PIK3R5: variants seen among roughly 807,000 people sequenced by gnomAD.
PIK3R5 encodes the protein phosphoinositide 3-kinase regulatory subunit 5.
In PIK3R5, 32 loss-of-function variants were observed where a neutral mutation model predicts 94.9. That is an observed-to-expected ratio of 0.34 (90% CI 0.25 to 0.45). The LOEUF is 0.45. Ranked by LOEUF, PIK3R5 falls within the 20% of genes least tolerant of loss-of-function variation. The pLI is 1.00. For synonymous variants in PIK3R5, 443 were observed against 479.4 expected (o/e 0.92, Z 0.99); for missense variants, 853 against 1,144.6 (o/e 0.75, Z 3.68).
chr17:8,922,601 G>T lies in PIK3R5; in HGVS notation c.-13-11094C>A, dbSNP rs372611955. On this transcript the variant is annotated intron_variant, in intron 1 of 18. Transcript: ENST00000447110. ...GGGCTGAGTGTACTGTTTCGTCTCA[G>T]TGTTGTAATTTGAGGCTTCCAGGGA... is the stretch of plus-strand genomic sequence containing the variant. 3.7e-4 allele frequency among the ~76,000 whole-genome samples: 57 copies of T among 152,266 alleles called. No individual in the cohort carries two copies. The East Asian group carries it at 9.1e-3, about 24-fold the overall frequency.
chr17:8,948,609 A>G (rs973331182), intron 1 of PIK3R5, among the ~76,000 whole-genome samples: 1 of 152,198 alleles, frequency 6.6e-6, no homozygotes, highest in Non-Finnish European at 1.5e-5. Flanking sequence ...TTCCCACCAC[A>G]AGGCAATACC....
chr17:8,913,105 G>A (rs1415364921), intron 1 of PIK3R5, among the ~76,000 whole-genome samples: 3 of 152,198 alleles, frequency 2.0e-5, no homozygotes, highest in Admixed American at 6.5e-5. Context: ...TCCAAGAAGT[G>A]AAACATGCTG....
chr17:8,894,939 T>C (rs2090117985), intron 5 of PIK3R5, among the ~76,000 whole-genome samples: 2 of 152,172 alleles, frequency 1.3e-5, no homozygotes. Context: ...GAGGTTCCTT[T>C]AGTAAAAGGC....
intron 4 of PIK3R5, 129 bp from the exon 5 acceptor site, chr17:8,905,044 AG>A: frequency 9.9e-7 from 1 of 1,013,540 alleles, no homozygotes; most frequent in Non-Finnish European, 1.5e-6. Context: ...AGCGTGTCCC[AG>A]GACAAGGTCA....
At chr17:8,905,853 A>G in intron 3 of PIK3R5, 116 bp from the exon 4 acceptor site, 1 of 491,082 alleles carries the variant, frequency 2.0e-6, no homozygotes, top group Non-Finnish European at 3.5e-6. Flanking sequence ...TTTTTAGGGG[A>G]AAATAGTGCA....
At chr17:8,886,429 C>G (rs769884656) in intron 13 of PIK3R5, 48 bp downstream of exon 13, 1 of 1,596,660 alleles carries the variant, frequency 6.3e-7, no homozygotes, top group South Asian at 1.1e-5. Flanking sequence ...TGGGGCCTTG[C>G]AGGCCCGGCA....
Position 8,925,992 on chromosome 17 carries a change from T to C in PIK3R5, c.-13-14485A>G, listed in dbSNP as rs1428548901. On this transcript the variant is annotated intron_variant, in intron 1 of 18. Transcript: ENST00000447110. This position sits in a 1 kb window ranked among gnomAD's most constrained non-coding sequence, Gnocchi z 5.1. ...CTGTGGTCACTGAGGCTGTGAACCA[T>C]GTGAAGCGAGAAGAGTGAGGAGAAC... Among the ~76,000 whole-genome samples the C allele has an allele frequency of 2.6e-5, 4 of 152,152 alleles. No homozygotes were observed. Among genetic ancestry groups the C allele is most frequent in the Non-Finnish European group, 5.9e-5 (4 of 68,026 alleles).
chr17:8,879,604 C>T lies in PIK3R5; in HGVS notation c.*1035G>A, dbSNP rs543305389. ...CTGAGCAGCCCACCCCTTACCCTGA[C>T]GAAGGCAATCCTCCTCTGGAATGTC... On this transcript the variant is annotated 3_prime_UTR_variant, in exon 19 of 19. Transcript: ENST00000447110. The surrounding 1 kb of genome is among the most constrained non-coding windows in gnomAD (Gnocchi z 4.4). 2.6e-5 allele frequency: 4 copies of T among 152,324 alleles called. No homozygotes were observed. The highest frequency in any genetic ancestry group is 6.5e-5 in the Admixed American group (1 of 15,306). 9.4% of individuals were successfully genotyped at this position (152,324 alleles called of 1,614,324 possible).
chr17:8,902,413 C>A (rs371245172), intron 5 of PIK3R5, among the ~76,000 whole-genome samples: 19 of 151,824 alleles, frequency 1.3e-4, no homozygotes, highest in African/African-American at 4.4e-4. Flanking sequence ...TGCCACCACG[C>A]CCAAATAATT....
At chr17:8,941,537 T>C (rs564065753) in intron 1 of PIK3R5, among the ~76,000 whole-genome samples, 1 of 152,368 alleles carries the variant, frequency 6.6e-6, no homozygotes, top group South Asian at 2.1e-4. Flanking sequence ...CCCCAATGTT[T>C]CCTGTTTTTC....
intron 1 of PIK3R5, among the ~76,000 whole-genome samples, chr17:8,964,748 GAC>G (rs1016818418): frequency 6.6e-6 from 1 of 152,156 alleles, no homozygotes; most frequent in Non-Finnish European, 1.5e-5. Flanking sequence ...TGGATGAGAA[GAC>G]ACAGAAGGAA....
intron 3 of PIK3R5, among the ~76,000 whole-genome samples, chr17:8,907,628 C>CAA (rs1231640150): frequency 6.9e-4 from 65 of 94,758 alleles, no homozygotes; most frequent in African/African-American, 2.0e-3. Context: ...CTTTTTTTAA[C>CAA]AAAAAAAAAA....
intron 1 of PIK3R5, among the ~76,000 whole-genome samples, chr17:8,923,064 T>A (rs2090787054): frequency 1.3e-5 from 2 of 152,112 alleles, no homozygotes; most frequent in Admixed American, 1.3e-4. Flanking sequence ...AGGAGAAAGA[T>A]GCTAACGTGT....
chr17:8,892,174 C>T lies in PIK3R5; in HGVS notation c.483-1262G>A, dbSNP rs2090043746. 6.6e-6 allele frequency among the ~76,000 whole-genome samples: 1 copy of T among 152,174 alleles called. No homozygotes were observed. The highest frequency in any genetic ancestry group is 2.4e-5 in the African/African-American group (1 of 41,436). On this transcript the variant is annotated intron_variant, in intron 6 of 18. Coordinates refer to ENST00000447110, the MANE Select transcript of PIK3R5 (RefSeq NM_001142633.3). The surrounding 1 kb of genome is among the most constrained non-coding windows in gnomAD (Gnocchi z 4.3). Reference sequence around the variant, plus strand: ...AAGGAGCACCACGCAGGGCAGCATTCCCTCCACACTCTGGGGACGTCGGTG... The same window carrying T: ...AAGGAGCACCACGCAGGGCAGCATTTCCTCCACACTCTGGGGACGTCGGTG...
chr17:8,886,671 G>C (rs1042556212), intron 12 of PIK3R5, 66 bp from the exon 13 acceptor site: 7 of 1,494,822 alleles, frequency 4.7e-6, no homozygotes, highest in Non-Finnish European at 5.4e-6. Flanking sequence ...GAAGGAGCAA[G>C]AATTAGGGAG....
chr17:8,949,240 C>T (rs542928704), intron 1 of PIK3R5, among the ~76,000 whole-genome samples: 16 of 152,280 alleles, frequency 1.1e-4, no homozygotes, highest in Admixed American at 6.5e-5. Flanking sequence ...TTTACTCAAG[C>T]GCCATGTGGA....
intron 1 of PIK3R5, among the ~76,000 whole-genome samples, chr17:8,950,403 A>G (rs2091356116): frequency 6.6e-6 from 1 of 152,186 alleles, no homozygotes; most frequent in Non-Finnish European, 1.5e-5. Flanking sequence ...GCATCCAGGT[A>G]GTGAGCACAG....
chr17:8,919,056 G>A (rs146938304), intron 1 of PIK3R5, among the ~76,000 whole-genome samples: 166 of 152,232 alleles, frequency 1.1e-3, no homozygotes, highest in African/African-American at 3.7e-3. Context: ...TCAAAGATAA[G>A]GAAAGATAGA....
intron 15 of PIK3R5, among the ~76,000 whole-genome samples, chr17:8,883,238 G>A (rs925910943): frequency 3.9e-5 from 6 of 152,140 alleles, no homozygotes; most frequent in Non-Finnish European, 5.9e-5. Context: ...GTGTGGTGGC[G>A]GGCACCTGCT....
Sources: gnomAD v4.1 joint callset for allele counts (sites outside exome capture counted in the v4.1 genomes callset) on GRCh38, gnomAD v4.1.1 for gene constraint, Gnocchi (gnomAD v3.1) non-coding constraint, MANE v1.5 for transcripts, NCBI Gene and HGNC (gene_info 2026-07-23, HGNC 2026-07-21) for gene names.